Variants in FAT3 observed in about 807,000 individuals in gnomAD.
FAT3 encodes the protein FAT atypical cadherin 3.
FAT3 carries 95 observed loss-of-function variants against 310.2 expected under a neutral mutation model. The observed-to-expected ratio is 0.31, with a 90% confidence interval of 0.26 to 0.36. FAT3 has a LOEUF of 0.36. Among genes scored for constraint, FAT3 ranks in the 10% least tolerant of loss-of-function variants. FAT3 has a pLI of 1.00. For synonymous variants in FAT3, 2,314 were observed against 2,192.9 expected (o/e 1.06, Z -1.54); for missense variants, 5,408 against 5,715.6 (o/e 0.95, Z 1.74).
chr11:92,522,806 C>A (rs1953730243), intron 2 of FAT3, among the ~76,000 whole-genome samples: 1 of 152,094 alleles, frequency 6.6e-6, no homozygotes, highest in Admixed American at 6.6e-5. Context: ...AATCCTGCCC[C>A]AAAGTGAACA....
chr11:92,756,343 G>A (rs910899822), intron 4 of FAT3, among the ~76,000 whole-genome samples: 11 of 152,194 alleles, frequency 7.2e-5, no homozygotes, highest in African/African-American at 2.7e-4. Context: ...AAAGTTATGT[G>A]ATTGATCTCT....
At chr11:92,534,630 ATG>A (rs1954189867) in intron 3 of FAT3, among the ~76,000 whole-genome samples, 1 of 152,132 alleles carries the variant, frequency 6.6e-6, no homozygotes, top group African/African-American at 2.4e-5. Flanking sequence ...TTCATATTGG[ATG>A]TGTGTGGGCC....
chr11:92,696,204 A>G (rs1208088663), intron 3 of FAT3, among the ~76,000 whole-genome samples: 4 of 152,082 alleles, frequency 2.6e-5, no homozygotes, highest in Non-Finnish European at 5.9e-5. Context: ...ACATTCCAGA[A>G]TGAATTCATG....
intron 2 of FAT3, among the ~76,000 whole-genome samples, chr11:92,495,249 T>C (rs1689131273): frequency 6.6e-6 from 1 of 152,068 alleles, no homozygotes; most frequent in Non-Finnish European, 1.5e-5. Flanking sequence ...TATGAGTAGA[T>C]GAAATGGCTG....
intron 3 of FAT3, among the ~76,000 whole-genome samples, chr11:92,647,219 A>T (rs959852187): frequency 6.6e-6 from 1 of 152,166 alleles, no homozygotes; most frequent in East Asian, 1.9e-4. Flanking sequence ...AAAACTTTCC[A>T]CAAACTCAGT....
At chr11:92,453,001 T>C (rs1339979218) in intron 2 of FAT3, among the ~76,000 whole-genome samples, 1 of 152,148 alleles carries the variant, frequency 6.6e-6, no homozygotes, top group Non-Finnish European at 1.5e-5. Context: ...CTTGAACTCC[T>C]GGGCTCAAGC....
At chr11:92,825,508 G>A (rs1948079124) in intron 13 of FAT3, among the ~76,000 whole-genome samples, 1 of 152,174 alleles carries the variant, frequency 6.6e-6, no homozygotes, top group Non-Finnish European at 1.5e-5. Flanking sequence ...AGAGAAAGAG[G>A]TAAGAGAACA....
intron 1 of FAT3, among the ~76,000 whole-genome samples, chr11:92,328,954 G>A (rs1241129940): frequency 1.3e-5 from 2 of 152,092 alleles, no homozygotes; most frequent in Non-Finnish European, 2.9e-5. Flanking sequence ...GGCTTTAAAA[G>A]ACTGTTTAAA....
At chr11:92,788,101 A>G (rs933784335) in intron 7 of FAT3, among the ~76,000 whole-genome samples, 1 of 152,190 alleles carries the variant, frequency 6.6e-6, no homozygotes, top group African/African-American at 2.4e-5. Context: ...AAAACAAGCC[A>G]TTCTGGAGAA....
intron 4 of FAT3, among the ~76,000 whole-genome samples, chr11:92,706,865 T>A (rs928210208): frequency 2.0e-5 from 3 of 152,214 alleles, no homozygotes; most frequent in Non-Finnish European, 4.4e-5. Context: ...TTACCACATA[T>A]GAAGACTTGG....
chr11:92,728,249 T>A (rs1390747367), intron 4 of FAT3, among the ~76,000 whole-genome samples: 2 of 152,230 alleles, frequency 1.3e-5, no homozygotes. Context: ...TTTTGTTTGT[T>A]TGTTTGTTTA....
At chr11:92,437,302 T>G (rs1418535337) in intron 2 of FAT3, among the ~76,000 whole-genome samples, 1 of 152,198 alleles carries the variant, frequency 6.6e-6, no homozygotes, top group African/African-American at 2.4e-5. Flanking sequence ...TCATTCATTT[T>G]AAATGTGAGA....
chr11:92,424,729 A>G (rs1236062554), intron 2 of FAT3, among the ~76,000 whole-genome samples: 1 of 152,166 alleles, frequency 6.6e-6, no homozygotes, highest in African/African-American at 2.4e-5. Flanking sequence ...TATTGACATG[A>G]TATTCAACCT....
In FAT3 at chr11:92,546,555, C is replaced by A. The variant is rs75580749; in HGVS notation, c.3607+21607C>A. Reference sequence around the variant, plus strand: ...TTCATGCACCATATGCTGGTGTTTTCTGATCTTAACTGAAATTAGGGTCAC... The same window carrying A: ...TTCATGCACCATATGCTGGTGTTTTATGATCTTAACTGAAATTAGGGTCAC... On this transcript the variant is annotated intron_variant, in intron 3 of 27. Coordinates refer to ENST00000525166, the MANE Select transcript of FAT3 (RefSeq NM_001367949.2). Among the ~76,000 whole-genome samples the A allele has an allele frequency of 9.3e-3, 1,413 of 152,240 alleles. 71 individuals are homozygous for A. The East Asian group carries it at 0.15, about 16-fold the overall frequency.
intron 2 of FAT3, among the ~76,000 whole-genome samples, chr11:92,417,183 A>G (rs1950435232): frequency 6.6e-6 from 1 of 152,152 alleles, no homozygotes; most frequent in African/African-American, 2.4e-5. Flanking sequence ...TTCATTTCCT[A>G]TTTTAAAAAT....
intron 2 of FAT3, among the ~76,000 whole-genome samples, chr11:92,434,885 C>G (rs1950890212): frequency 6.6e-6 from 1 of 152,126 alleles, no homozygotes; most frequent in Non-Finnish European, 1.5e-5. Flanking sequence ...TTCAGTGCAA[C>G]ATTGGGTGAC....
chr11:92,283,365 C>T (rs750724812), intron 1 of FAT3, among the ~76,000 whole-genome samples: 1 of 152,146 alleles, frequency 6.6e-6, no homozygotes, highest in African/African-American at 2.4e-5. Flanking sequence ...AAACCACCAC[C>T]TTAAGAATTA....
At chr11:92,768,119 T>C (rs139692303) in intron 6 of FAT3, among the ~76,000 whole-genome samples, 1 of 152,346 alleles carries the variant, frequency 6.6e-6, no homozygotes, top group African/African-American at 2.4e-5. Context: ...TGTTTCTTCA[T>C]TGGTGTATTT....
At chr11:92,273,026 G>T (rs189472505) in intron 1 of FAT3, among the ~76,000 whole-genome samples, 39 of 152,152 alleles carry the variant, frequency 2.6e-4, no homozygotes, top group Middle Eastern at 3.4e-3. Flanking sequence ...TTTCAACTAG[G>T]TTGGCCTTGC....
Sources: allele counts gnomAD v4.1 joint callset (sites outside exome capture counted in the v4.1 genomes callset), GRCh38; gene constraint gnomAD v4.1.1; transcripts MANE v1.5; gene names NCBI Gene and HGNC (gene_info 2026-07-23, HGNC 2026-07-21).